The following PRKG1 variants were observed in gnomAD, a reference collection of about 807,000 sequenced individuals.
PRKG1 encodes the protein cGMP-dependent protein kinase 1.
In PRKG1, 35 loss-of-function variants were observed where a neutral mutation model predicts 88.1. That is an observed-to-expected ratio of 0.40 (90% CI 0.30 to 0.53). PRKG1 has a LOEUF of 0.53. PRKG1 is among the 20% of genes least tolerant of loss of function. PRKG1 has a pLI of 0.59. For missense variants in PRKG1, 540 were observed against 839.8 expected (o/e 0.64, Z 4.41); for synonymous variants, 303 against 292.5 (o/e 1.04, Z -0.37).
chr10:51,474,395 G>C (rs1444400), intron 3 of PRKG1, among the ~76,000 whole-genome samples: 1 of 151,796 alleles, frequency 6.6e-6, no homozygotes, highest in Non-Finnish European at 1.5e-5. Flanking sequence ...TTATGGTTTC[G>C]AAAATTTTTA....
intron 1 of PRKG1, among the ~76,000 whole-genome samples, chr10:51,114,686 G>C (rs999899358): frequency 6.6e-6 from 1 of 152,128 alleles, no homozygotes; most frequent in Non-Finnish European, 1.5e-5. Context: ...ATTTTCCTGA[G>C]GATAGAGGAG....
chr10:51,833,709 A>G (rs1840059673), intron 4 of PRKG1, among the ~76,000 whole-genome samples: 1 of 152,164 alleles, frequency 6.6e-6, no homozygotes, highest in African/African-American at 2.4e-5. Flanking sequence ...GAACATTAAA[A>G]ATTAACTCTT....
intron 2 of PRKG1, among the ~76,000 whole-genome samples, chr10:51,314,287 C>A (rs1841265351): frequency 6.6e-6 from 1 of 152,110 alleles, no homozygotes; most frequent in Non-Finnish European, 1.5e-5. Context: ...ATCGCAGAGT[C>A]CCTCTGTAAT....
chr10:52,193,548 C>CAAAAAA lies in PRKG1; in HGVS notation c.1076+31594_1076+31599dup, dbSNP rs34730000. 1.4e-3 allele frequency among the ~76,000 whole-genome samples: 62 copies of CAAAAAA among 42,826 alleles called. 1 individual carries two copies. Among genetic ancestry groups the CAAAAAA allele is most frequent in the African/African-American group, 4.4e-3 (59 of 13,534 alleles). 28.1% of individuals were successfully genotyped at this position (42,826 alleles called of 152,430 possible). A position where few individuals can be genotyped will look rare whatever the true frequency, so the allele number is the denominator to read the frequency against. ...GAACAAAAAGAGTGAGACTCTGTCT[C>CAAAAAA]AAAAAAAAAAAAAACAAAAAAAAAA... On this transcript the variant is annotated intron_variant, in intron 9 of 17. Coordinates refer to ENST00000373980, the MANE Select transcript of PRKG1 (RefSeq NM_006258.4).
chr10:51,502,083 C>A (rs12246065), intron 3 of PRKG1, among the ~76,000 whole-genome samples: 23,921 of 152,042 alleles, frequency 0.16, 2,247 homozygotes, highest in Non-Finnish European at 0.22. Context: ...AAAAACTTGA[C>A]TTTTCTATTA....
intron 3 of PRKG1, among the ~76,000 whole-genome samples, chr10:51,649,241 G>A (rs565743906): frequency 4.1e-4 from 62 of 152,206 alleles, no homozygotes; most frequent in African/African-American, 1.4e-3. Context: ...ATTGTATGCA[G>A]AGCAAAAGGA....
chr10:51,821,841 T>C (rs1404473987), intron 4 of PRKG1, among the ~76,000 whole-genome samples: 1 of 152,118 alleles, frequency 6.6e-6, no homozygotes, highest in Non-Finnish European at 1.5e-5. Flanking sequence ...GGAATCTTTA[T>C]GCACTGTTGA....
chr10:51,859,702 T>C (rs1840819614), intron 4 of PRKG1, among the ~76,000 whole-genome samples: 1 of 152,168 alleles, frequency 6.6e-6, no homozygotes, highest in Admixed American at 6.5e-5. Context: ...CCTTTTATCT[T>C]TACCTTCCAA....
At chr10:51,577,509 C>G (rs1272259192) in intron 3 of PRKG1, among the ~76,000 whole-genome samples, 2 of 151,918 alleles carry the variant, frequency 1.3e-5, no homozygotes, top group Non-Finnish European at 2.9e-5. Flanking sequence ...GAAATGCTGA[C>G]TGGTGAAAAG....
At chr10:52,175,201 T>G (rs1433599409) in intron 9 of PRKG1, among the ~76,000 whole-genome samples, 1 of 152,086 alleles carries the variant, frequency 6.6e-6, no homozygotes, top group African/African-American at 2.4e-5. Flanking sequence ...TGATCAATTT[T>G]GTTTTCAGCC....
intron 2 of PRKG1, among the ~76,000 whole-genome samples, chr10:51,368,287 A>C (rs1169667862): frequency 1.3e-5 from 2 of 151,998 alleles, no homozygotes; most frequent in Non-Finnish European, 2.9e-5. Context: ...AACATATTAC[A>C]CTTTTTTTCG....
intron 7 of PRKG1, among the ~76,000 whole-genome samples, chr10:52,073,127 G>T (rs2133289682): frequency 6.6e-6 from 1 of 152,206 alleles, no homozygotes; most frequent in East Asian, 1.9e-4. Context: ...CATCACTTTA[G>T]TTTCTGTCAC....
chr10:51,247,601 G>A (rs371072832), intron 2 of PRKG1, among the ~76,000 whole-genome samples: 16 of 152,028 alleles, frequency 1.1e-4, no homozygotes, highest in African/African-American at 3.1e-4. Context: ...AGGACAGGAC[G>A]TTGTTTAACT....
intron 1 of PRKG1, among the ~76,000 whole-genome samples, chr10:51,015,459 A>G (rs1465540826): frequency 1.3e-5 from 2 of 152,220 alleles, no homozygotes; most frequent in African/African-American, 2.4e-5. Flanking sequence ...TTAGACCTCA[A>G]TCTTAGTTCT....
chr10:51,410,270 A>ATATGTG (rs1554805784), intron 2 of PRKG1, among the ~76,000 whole-genome samples: 263 of 146,866 alleles, frequency 1.8e-3, no homozygotes, highest in African/African-American at 5.4e-3. Context: ...ATATATATAT[A>ATATGTG]TGTGTGTGTG....
At chr10:51,520,874 C>T (rs1222080987) in intron 3 of PRKG1, among the ~76,000 whole-genome samples, 1 of 152,208 alleles carries the variant, frequency 6.6e-6, no homozygotes, top group African/African-American at 2.4e-5. Context: ...GAAAAACATG[C>T]AGTCTTCTTT....
At chr10:51,970,049 CA>C (rs1564733479) in intron 5 of PRKG1, among the ~76,000 whole-genome samples, 162 of 116,140 alleles carry the variant, frequency 1.4e-3, no homozygotes, top group African/African-American at 5.1e-3. Context: ...CACACACACA[CA>C]CCCATATTTA....
intron 1 of PRKG1, among the ~76,000 whole-genome samples, chr10:51,040,119 A>G (rs1282216687): frequency 1.3e-5 from 2 of 151,758 alleles, no homozygotes; most frequent in East Asian, 1.9e-4. Flanking sequence ...GAAGAATGTC[A>G]TTGGTATTTT....
At chr10:51,111,508 C>A (rs1286628497) in intron 1 of PRKG1, among the ~76,000 whole-genome samples, 1 of 151,890 alleles carries the variant, frequency 6.6e-6, no homozygotes, top group Non-Finnish European at 1.5e-5. Context: ...GGCAGGGAGA[C>A]AAGGTAGGGG....
Sources: allele counts gnomAD v4.1 joint callset (sites outside exome capture counted in the v4.1 genomes callset), GRCh38; gene constraint gnomAD v4.1.1; transcripts MANE v1.5; gene names NCBI Gene and HGNC (gene_info 2026-07-23, HGNC 2026-07-21).